RIN3: variants seen among roughly 807,000 people sequenced by gnomAD.
RIN3 encodes RAB5 interacting protein 3.
Under a neutral mutation model 76.3 loss-of-function variants are expected in RIN3, and 54 were observed. The ratio of observed to expected loss-of-function variants is 0.71; its 90% CI spans 0.57 to 0.89. RIN3 has a LOEUF of 0.89. RIN3 is among the 40% of genes least tolerant of loss of function. The pLI is 0.00. For synonymous variants in RIN3, 576 were observed against 564.0 expected, an observed-to-expected ratio of 1.02 and a Z score of -0.30; for missense variants, 1,256 against 1,322.1, an observed-to-expected ratio of 0.95 and a Z score of 0.78.
intron 4 of RIN3, among the ~76,000 whole-genome samples, chr14:92,633,867 G>T (rs117151965): frequency 0.062 from 9,431 of 151,794 alleles, 403 homozygotes; most frequent in Non-Finnish European, 0.094. Context: ...GTGTGTGTGT[G>T]TGTGTGTGTG....
intron 6 of RIN3, among the ~76,000 whole-genome samples, chr14:92,658,569 T>C (rs1887756701): frequency 6.6e-6 from 1 of 152,180 alleles, no homozygotes; most frequent in South Asian, 2.1e-4. Context: ...AGCTGCTGTG[T>C]TGACAAGAGA....
chr14:92,553,075 G>A (rs999903416), intron 1 of RIN3, among the ~76,000 whole-genome samples: 6 of 150,866 alleles, frequency 4.0e-5, no homozygotes, highest in East Asian at 2.0e-4. Context: ...TCACACCTAG[G>A]GCCACCCAGC....
chr14:92,577,515 C>G (rs201728586), intron 3 of RIN3, 38 bp downstream of exon 3: 1 of 1,336,062 alleles, frequency 7.5e-7, no homozygotes, highest in Non-Finnish European at 1.1e-6. Context: ...TTTGACCACG[C>G]GGCAGCAGCA....
At chr14:92,669,503 G>T (rs1208437247) in intron 7 of RIN3, among the ~76,000 whole-genome samples, 4 of 152,202 alleles carry the variant, frequency 2.6e-5, no homozygotes, top group Admixed American at 2.6e-4. Flanking sequence ...GAGGAAAAAA[G>T]TGGCTCTAAA....
intron 2 of RIN3, among the ~76,000 whole-genome samples, chr14:92,576,832 G>A (rs1204328326): frequency 6.6e-6 from 1 of 152,142 alleles, no homozygotes; most frequent in African/African-American, 2.4e-5. Context: ...TTAAGTATTA[G>A]CTATTTTTAT....
intron 1 of RIN3, among the ~76,000 whole-genome samples, chr14:92,552,866 GT>G (rs980939678): frequency 6.6e-6 from 1 of 151,384 alleles, no homozygotes; most frequent in Admixed American, 6.6e-5. Context: ...AAGGTTTTGG[GT>G]TTTTTTTAAC....
intron 5 of RIN3, 84 bp from the exon 6 acceptor site, chr14:92,651,498 G>GGCCCCCCCCCCCCC: frequency 1.4e-6 from 1 of 707,776 alleles, no homozygotes; most frequent in Non-Finnish European, 2.3e-6. Context: ...CCCACCCGTG[G>GGCCCCCCCCCCCCC]ACCCCGCCCA....
chr14:92,675,822 CACTG>C (rs1888440215), intron 7 of RIN3, among the ~76,000 whole-genome samples: 1 of 152,200 alleles, frequency 6.6e-6, no homozygotes, highest in East Asian at 1.9e-4. Context: ...TCCTTCCTGC[CACTG>C]TTCCTTTATA....
intron 4 of RIN3, among the ~76,000 whole-genome samples, chr14:92,618,452 C>G (rs1886052664): frequency 6.6e-6 from 1 of 152,062 alleles, no homozygotes; most frequent in African/African-American, 2.4e-5. Context: ...GATTATGAAC[C>G]CAAAGTTCCA....
rs149225799 is a variant in RIN3 at position 92,514,264 on chromosome 14, C to T, written c.44+288C>T. ...CTGGTGGACGGATTACGAGGGAGTGCGTCGCTACCTGTCAGCGCCGGGGCT... is the reference window on the plus strand; with the variant it reads ...CTGGTGGACGGATTACGAGGGAGTGTGTCGCTACCTGTCAGCGCCGGGGCT... On this transcript the variant is annotated intron_variant, in intron 1 of 9. Coordinates refer to ENST00000216487, the MANE Select transcript of RIN3 (RefSeq NM_024832.5). This position sits in a 1 kb window ranked among gnomAD's most constrained non-coding sequence, Gnocchi z 7.2. Among the ~76,000 whole-genome samples, 2 of 152,030 alleles carry T rather than the reference C, an allele frequency of 1.3e-5. No homozygotes were observed. The highest frequency in any genetic ancestry group is 6.5e-5 in the Admixed American group (1 of 15,294).
At chr14:92,540,956 A>T (rs1486011831) in intron 1 of RIN3, among the ~76,000 whole-genome samples, 1 of 152,230 alleles carries the variant, frequency 6.6e-6, no homozygotes, top group Non-Finnish European at 1.5e-5. Context: ...AGATTCCTGC[A>T]TTCTTTCAGT....
At chr14:92,679,302 G>A (rs559913226) in intron 8 of RIN3, among the ~76,000 whole-genome samples, 6 of 152,204 alleles carry the variant, frequency 3.9e-5, no homozygotes, top group African/African-American at 1.4e-4. Flanking sequence ...TCTGACCACG[G>A]CAGTGTCACA....
intron 5 of RIN3, among the ~76,000 whole-genome samples, chr14:92,642,579 T>A (rs1040644734): frequency 4.6e-5 from 7 of 152,122 alleles, no homozygotes; most frequent in African/African-American, 1.7e-4. Flanking sequence ...CTGAGCACAG[T>A]GCCCAGAACA....
intron 3 of RIN3, among the ~76,000 whole-genome samples, chr14:92,577,679 C>T (rs772043703): frequency 3.3e-5 from 5 of 152,202 alleles, no homozygotes; most frequent in Admixed American, 6.5e-5. Flanking sequence ...TGAATTTCCA[C>T]TCACCCTCGT....
Position 92,681,166 on chromosome 14 carries a change from G to T in RIN3, c.2468-3821G>T, listed in dbSNP as rs960386812. ...GCCATGCCGGGCTGGTGTCTTTCCA[G>T]GGGCAGTGGGTTTTTCCAATCAACG... On this transcript the variant is annotated intron_variant, in intron 8 of 9. Transcript: ENST00000216487. The surrounding 1 kb of genome is among the most constrained non-coding windows in gnomAD (Gnocchi z 4.7). 6.6e-6 allele frequency among the ~76,000 whole-genome samples: 1 copy of T among 152,206 alleles called. No homozygotes were observed. The highest frequency in any genetic ancestry group is 2.4e-5 in the African/African-American group (1 of 41,450).
At chr14:92,600,866 C>T (rs967728824) in intron 3 of RIN3, among the ~76,000 whole-genome samples, 2 of 152,250 alleles carry the variant, frequency 1.3e-5, no homozygotes, top group Non-Finnish European at 2.9e-5. Context: ...ATGCCAGTAG[C>T]ATCACCCTCT....
chr14:92,570,415 C>A (rs999383794), intron 2 of RIN3, among the ~76,000 whole-genome samples: 1 of 152,178 alleles, frequency 6.6e-6, no homozygotes, highest in East Asian at 1.9e-4. Context: ...GTAATCCCAG[C>A]ACTTTGGGAG....
At chr14:92,619,821 G>C (rs1886111857) in intron 4 of RIN3, among the ~76,000 whole-genome samples, 1 of 152,176 alleles carries the variant, frequency 6.6e-6, no homozygotes, top group African/African-American at 2.4e-5. Flanking sequence ...AGCATAGCTA[G>C]AAGCGTGGCC....
chr14:92,612,789 G>T (rs924535287), intron 3 of RIN3, among the ~76,000 whole-genome samples: 4 of 152,236 alleles, frequency 2.6e-5, no homozygotes, highest in Non-Finnish European at 1.5e-5. Flanking sequence ...TACAAATCTG[G>T]GGTTTTAACA....
Sources: allele counts gnomAD v4.1 joint callset (sites outside exome capture counted in the v4.1 genomes callset), GRCh38; gene constraint gnomAD v4.1.1; non-coding constraint Gnocchi (gnomAD v3.1); transcripts MANE v1.5; gene names NCBI Gene and HGNC (gene_info 2026-07-23, HGNC 2026-07-21).